The following XKR6 variants were observed in gnomAD, a reference collection of about 807,000 sequenced individuals.
XKR6 encodes XK-related protein 6.
Under a neutral mutation model 56.7 loss-of-function variants are expected in XKR6, and 22 were observed. The observed-to-expected ratio is 0.39, with a 90% confidence interval of 0.28 to 0.55. The LOEUF is 0.55. XKR6 is among the 20% of genes least tolerant of loss of function. XKR6 has a pLI of 0.66. For synonymous variants in XKR6, 524 were observed against 387.8 expected (o/e 1.35, Z -4.13); for missense variants, 852 against 889.0 (o/e 0.96, Z 0.53).
chr8:11,084,009 G>T (rs189111424), intron 1 of XKR6, among the ~76,000 whole-genome samples: 1 of 152,130 alleles, frequency 6.6e-6, no homozygotes, highest in Non-Finnish European at 1.5e-5. Flanking sequence ...GGAGAAAAAG[G>T]GATCCTAAAT....
chr8:10,976,038 C>T (rs1223332145), intron 1 of XKR6, among the ~76,000 whole-genome samples: 6 of 151,992 alleles, frequency 3.9e-5, no homozygotes, highest in African/African-American at 4.8e-5. Flanking sequence ...TAGCTGGGCG[C>T]AATGGCGGGC....
intron 1 of XKR6, among the ~76,000 whole-genome samples, chr8:11,091,099 G>A: frequency 6.6e-6 from 1 of 152,076 alleles, no homozygotes; most frequent in Non-Finnish European, 1.5e-5. Context: ...ACCAGGAATG[G>A]CATGAAAGGA....
At chr8:11,173,414 T>C (rs950291830) in intron 1 of XKR6, among the ~76,000 whole-genome samples, 23 of 150,242 alleles carry the variant, frequency 1.5e-4, no homozygotes, top group Non-Finnish European at 3.1e-4. Context: ...TATATACATA[T>C]ACATATATAT....
intron 1 of XKR6, among the ~76,000 whole-genome samples, chr8:11,178,208 A>C (rs999186192): frequency 6.6e-6 from 1 of 152,194 alleles, no homozygotes; most frequent in Admixed American, 6.5e-5. Context: ...CATTCCAGTC[A>C]AACTAGTCAT....
At chr8:11,005,550 T>A (rs955273182) in intron 1 of XKR6, among the ~76,000 whole-genome samples, 11 of 152,162 alleles carry the variant, frequency 7.2e-5, no homozygotes, top group African/African-American at 2.7e-4. Context: ...TTAAAAATTG[T>A]TAAAATGGGA....
intron 1 of XKR6, among the ~76,000 whole-genome samples, chr8:11,162,578 G>C (rs1234375305): frequency 6.6e-6 from 1 of 152,108 alleles, no homozygotes; most frequent in East Asian, 1.9e-4. Flanking sequence ...TTAATAATTT[G>C]GCAGGTAAAA....
chr8:11,094,656 T>A (rs1489221335), intron 1 of XKR6, among the ~76,000 whole-genome samples: 1 of 152,102 alleles, frequency 6.6e-6, no homozygotes, highest in Non-Finnish European at 1.5e-5. Context: ...CCGACATCGA[T>A]GGAGTGGTTA....
chr8:11,096,491 T>C (rs934791027), intron 1 of XKR6, among the ~76,000 whole-genome samples: 2 of 152,254 alleles, frequency 1.3e-5, no homozygotes, highest in Non-Finnish European at 1.5e-5. Context: ...AAAACACCAT[T>C]AGAATACTGC....
chr8:11,159,181 T>G (rs565189507), intron 1 of XKR6, among the ~76,000 whole-genome samples: 5 of 152,230 alleles, frequency 3.3e-5, no homozygotes, highest in Non-Finnish European at 7.3e-5. Flanking sequence ...ACATCCACCA[T>G]ATATTCCCAG....
chr8:11,120,368 C>A (rs944778888), intron 1 of XKR6, among the ~76,000 whole-genome samples: 4 of 152,182 alleles, frequency 2.6e-5, no homozygotes, highest in Non-Finnish European at 4.4e-5. Context: ...GCGCAAAAAT[C>A]ACAAGCATTC....
Position 11,201,040 on chromosome 8 carries a change from G to C in XKR6, c.300C>G (p.Ala100=), listed in dbSNP as rs1208172365. 1.5e-5 allele frequency: 18 copies of C among 1,205,268 alleles called. No individual in the cohort carries two copies. The highest frequency in any genetic ancestry group is 1.8e-5 in the Non-Finnish European group (18 of 975,070). The allele number at this position is 1,205,268 out of a possible 1,614,324, so 74.7% of individuals were successfully genotyped here. ...GGDQPLQPPA[A]PGAGRQPPTP... is the part of the protein sequence containing the mutation. ...TCGGGGGTTGGCGGCCGGCGCCGGG[G>C]GCCGCGGGAGGCTGCAGCGGCTGGT... Residue 100 remains alanine, a synonymous_variant, in exon 1 of 3, where the codon GCC becomes GCG. Coordinates refer to ENST00000416569, the MANE Select transcript of XKR6 (RefSeq NM_173683.4).
At chr8:11,109,426 A>T (rs935669665) in intron 1 of XKR6, 22 of 152,156 alleles carry the variant, frequency 1.4e-4, no homozygotes, top group African/African-American at 5.1e-4. Flanking sequence ...AACAAACTCA[A>T]ACTCACTGTT....
chr8:11,069,031 A>G (rs1800051098), intron 1 of XKR6, among the ~76,000 whole-genome samples: 1 of 151,864 alleles, frequency 6.6e-6, no homozygotes, highest in Admixed American at 6.6e-5. Context: ...CTAACTTACA[A>G]GAGTGATTAC....
chr8:11,033,935 G>C (rs958712852), intron 1 of XKR6, among the ~76,000 whole-genome samples: 12 of 152,172 alleles, frequency 7.9e-5, no homozygotes, highest in Non-Finnish European at 1.3e-4. Flanking sequence ...CTGCAGAGAA[G>C]CAGCTTGGCC....
At chr8:11,179,376 T>C (rs982513029) in intron 1 of XKR6, among the ~76,000 whole-genome samples, 4 of 152,194 alleles carry the variant, frequency 2.6e-5, no homozygotes, top group Middle Eastern at 3.2e-3. Context: ...AACCTCTACA[T>C]ACTTTCAGTC....
At chr8:10,914,946 G>C (rs1477618304) in intron 2 of XKR6, among the ~76,000 whole-genome samples, 1 of 152,174 alleles carries the variant, frequency 6.6e-6, no homozygotes, top group Admixed American at 6.5e-5. Context: ...TGTCCTCCAG[G>C]TGTCTGTCAG....
intron 1 of XKR6, among the ~76,000 whole-genome samples, chr8:11,189,058 T>C (rs902920829): frequency 3.9e-5 from 6 of 152,150 alleles, no homozygotes; most frequent in African/African-American, 1.2e-4. Context: ...AAAATGTAGG[T>C]AGGCCATTTT....
At position 10,905,461 on chromosome 8, in the gene XKR6, A is replaced by G. The variant is rs191654722; in HGVS notation, c.962-6545T>C. 3.0e-3 allele frequency among the ~76,000 whole-genome samples: 459 copies of G among 152,228 alleles called. 1 individual carries two copies. The highest frequency in any genetic ancestry group is 0.01 in the African/African-American group (417 of 41,528). ...CAGGTTTCTTATCCCCATATTGTAG[A>G]TGAGGAGACCGAAACAGCAGTGAAG... On this transcript the variant is annotated intron_variant, in intron 2 of 2. Transcript: ENST00000416569.
intron 1 of XKR6, among the ~76,000 whole-genome samples, chr8:11,134,671 T>TCATA: frequency 6.6e-6 from 1 of 152,060 alleles, no homozygotes; most frequent in East Asian, 1.9e-4. Flanking sequence ...GTACAACCGT[T>TCATA]TATGAAGGCT....
Sources: gnomAD v4.1 joint callset for allele counts (sites outside exome capture counted in the v4.1 genomes callset) on GRCh38, gnomAD v4.1.1 for gene constraint, MANE v1.5 for transcripts, NCBI Gene and HGNC (gene_info 2026-07-23, HGNC 2026-07-21) for gene names.